ITK: variants seen among roughly 807,000 people sequenced by gnomAD.
The protein encoded by ITK is IL2 inducible T cell kinase.
A neutral mutation model predicts 87.6 loss-of-function variants in ITK; 45 were observed. The observed-to-expected ratio is 0.51, with a 90% CI of 0.40 to 0.66. The LOEUF is 0.66. Ranked by LOEUF, ITK falls within the 30% of genes least tolerant of loss-of-function variation. The pLI is 0.00. For synonymous variants in ITK, 303 were observed against 273.6 expected (o/e 1.11, Z -1.06); for missense variants, 605 against 766.3 (o/e 0.79, Z 2.48).
intron 1 of ITK, among the ~76,000 whole-genome samples, chr5:157,208,144 A>G (rs1036320621): frequency 5.9e-5 from 9 of 152,202 alleles, no homozygotes; most frequent in Admixed American, 1.3e-4. Context: ...TAGACCACCA[A>G]TGGAATTTGT....
At chr5:157,190,279 C>G (rs1390046756) in intron 1 of ITK, among the ~76,000 whole-genome samples, 1 of 152,054 alleles carries the variant, frequency 6.6e-6, no homozygotes, top group Non-Finnish European at 1.5e-5. Flanking sequence ...ATTTTTCCCC[C>G]CAAACTTCAT....
chr5:157,189,708 A>G (rs1046340967), intron 1 of ITK, among the ~76,000 whole-genome samples: 4 of 152,176 alleles, frequency 2.6e-5, no homozygotes, highest in Admixed American at 6.5e-5. Context: ...AAAGAAGAAG[A>G]GCTCAGTTTC....
At chr5:157,190,562 G>T (rs1753733151) in intron 1 of ITK, among the ~76,000 whole-genome samples, 1 of 152,140 alleles carries the variant, frequency 6.6e-6, no homozygotes, top group South Asian at 2.1e-4. Flanking sequence ...GCATTCTAGG[G>T]GATGGGACAG....
chr5:157,207,525 C>T (rs1027604921), intron 1 of ITK, among the ~76,000 whole-genome samples: 5 of 151,572 alleles, frequency 3.3e-5, no homozygotes, highest in Admixed American at 1.3e-4. Context: ...GGATTATAGG[C>T]GCCCGCCACC....
chr5:157,186,292 C>T (rs75915023), intron 1 of ITK, among the ~76,000 whole-genome samples: 1,588 of 152,044 alleles, frequency 0.01, 17 homozygotes, highest in South Asian at 0.021. Context: ...TATTTTAGGA[C>T]CTCTACGTTT....
chr5:157,207,021 A>C (rs1187940553), intron 1 of ITK, among the ~76,000 whole-genome samples: 1 of 152,212 alleles, frequency 6.6e-6, no homozygotes, highest in African/African-American at 2.4e-5. Flanking sequence ...ACTTTAATAA[A>C]GCTGATTTTT....
chr5:157,202,338 C>A (rs1241405398), intron 1 of ITK, among the ~76,000 whole-genome samples: 1 of 152,112 alleles, frequency 6.6e-6, no homozygotes. Context: ...CTCAGCCACC[C>A]AAGTGCCTGA....
At chr5:157,243,882 C>T (rs1329828976) in intron 12 of ITK, 88 bp downstream of exon 12, 3 of 1,245,876 alleles carry the variant, frequency 2.4e-6, no homozygotes, top group Non-Finnish European at 3.5e-6. Context: ...CCAGGGGGTA[C>T]TATCTCCCTG....
At chr5:157,200,742 G>A (rs76246936) in intron 1 of ITK, among the ~76,000 whole-genome samples, 11,545 of 152,216 alleles carry the variant, frequency 0.076, 580 homozygotes, top group African/African-American at 0.12. Flanking sequence ...AAGCCTGAGA[G>A]CAAGCTCATC....
At chr5:157,226,830 T>C (rs929121351) in intron 6 of ITK, among the ~76,000 whole-genome samples, 35 of 152,118 alleles carry the variant, frequency 2.3e-4, no homozygotes, top group African/African-American at 8.4e-4. Flanking sequence ...GACAGAGTCT[T>C]GCTCTGTCAC....
At chr5:157,211,963 CA>C (rs752214671) in intron 3 of ITK, among the ~76,000 whole-genome samples, 6 of 152,204 alleles carry the variant, frequency 3.9e-5, no homozygotes, top group Non-Finnish European at 8.8e-5. Flanking sequence ...AGCTAGCTTT[CA>C]AGCTTTTCAG....
At chr5:157,184,394 C>T (rs1216024569) in intron 1 of ITK, among the ~76,000 whole-genome samples, 1 of 152,180 alleles carries the variant, frequency 6.6e-6, no homozygotes, top group Non-Finnish European at 1.5e-5. Flanking sequence ...CGGGCCAGTA[C>T]AAGCCGAGTC....
chr5:157,232,638 A>G (rs1341947922), intron 8 of ITK, among the ~76,000 whole-genome samples: 2 of 152,224 alleles, frequency 1.3e-5, no homozygotes, highest in Non-Finnish European at 2.9e-5. Context: ...AATGAAAGAA[A>G]GAAAGAATTG....
chr5:157,182,423 T>TA (rs1307661200), intron 1 of ITK, among the ~76,000 whole-genome samples: 1 of 152,062 alleles, frequency 6.6e-6, no homozygotes, highest in East Asian at 1.9e-4. Flanking sequence ...TTTTGTGAAT[T>TA]AAAAAAATAC....
At chr5:157,211,432 A>G in intron 3 of ITK, 64 bp downstream of exon 3, 8 of 1,313,866 alleles carry the variant, frequency 6.1e-6, no homozygotes, top group Middle Eastern at 1.8e-4. Context: ...GTTGGGTTCC[A>G]CAATAGAATA....
At chr5:157,226,215 T>C (rs894923063) in intron 6 of ITK, among the ~76,000 whole-genome samples, 5 of 152,184 alleles carry the variant, frequency 3.3e-5, no homozygotes, top group Non-Finnish European at 7.3e-5. Flanking sequence ...AACTGTAAAA[T>C]GCAGCTGATA....
rs374796547 is a variant in ITK at position 157,252,581 on chromosome 5, TAC to T, written c.1792-24_1792-23del. The T allele has an allele frequency of 2.4e-4, 375 of 1,582,756 alleles. 1 individual carries two copies. In the East Asian group the frequency reaches 7.3e-3, roughly 31 times the overall value. On this transcript the variant is annotated intron_variant, in intron 16 of 16. Coordinates refer to ENST00000422843, the MANE Select transcript of ITK (RefSeq NM_005546.4). Reference sequence around the variant, plus strand: ...CTATGACGCATAAGTACAAGGAACTTACAGAGTTCTTTTTTCCCTCTCCAGAG... The same window carrying T: ...CTATGACGCATAAGTACAAGGAACTTAGAGTTCTTTTTTCCCTCTCCAGAG...
chr5:157,183,669 C>G (rs542969300), intron 1 of ITK, among the ~76,000 whole-genome samples: 1 of 152,138 alleles, frequency 6.6e-6, no homozygotes, highest in Non-Finnish European at 1.5e-5. Context: ...TGGATTCCTT[C>G]TATTCTGTGG....
intron 3 of ITK, chr5:157,211,632 T>C: frequency 2.1e-6 from 1 of 482,342 alleles, no homozygotes. Context: ...GTTTAATAAG[T>C]ACCTACATAA....
Sources: allele counts gnomAD v4.1 joint callset (sites outside exome capture counted in the v4.1 genomes callset), GRCh38; gene constraint gnomAD v4.1.1; transcripts MANE v1.5; gene names NCBI Gene and HGNC (gene_info 2026-07-23, HGNC 2026-07-21).